Variants in NFIC observed in about 807,000 individuals in gnomAD.
NFIC encodes the protein nuclear factor 1 C-type.
Under a neutral mutation model 54.4 loss-of-function variants are expected in NFIC, and 12 were observed. The observed-to-expected ratio is 0.22, with a 90% CI of 0.14 to 0.36. NFIC has a LOEUF of 0.36. Ranked by LOEUF, NFIC falls within the 10% of genes least tolerant of loss-of-function variation. The pLI, the probability that NFIC is intolerant of heterozygous loss-of-function variation, is 1.00. For missense variants in NFIC, 575 were observed against 718.2 expected (o/e 0.80, Z 2.28); for synonymous variants, 322 against 319.2 (o/e 1.01, Z -0.09).
chr19:3,411,432 A>C (rs1323129017), intron 2 of NFIC, among the ~76,000 whole-genome samples: 1 of 150,066 alleles, frequency 6.7e-6, no homozygotes, highest in African/African-American at 2.4e-5. Flanking sequence ...GGTTCAAGCA[A>C]TTCTCCTTCC....
Position 3,466,658 on chromosome 19 carries a change from CTT to C in NFIC, c.*3901_*3902del, listed in dbSNP as rs112243853. 1.4e-5 allele frequency: 2 copies of C among 146,458 alleles called. No individual in the cohort carries two copies. Among genetic ancestry groups the C allele is most frequent in the African/African-American group, 2.5e-5 (1 of 40,174 alleles). 9.1% of individuals were successfully genotyped at this position (146,458 alleles called of 1,614,324 possible). A position where few individuals can be genotyped will look rare whatever the true frequency, so the allele number is the denominator to read the frequency against. ...CAGCATTCATGTAGCTGATTTCTAGCTTTTTTTTTTTTTCTGCCCCACTCCTG... is the reference window on the plus strand; with the variant it reads ...CAGCATTCATGTAGCTGATTTCTAGCTTTTTTTTTTTCTGCCCCACTCCTG... On this transcript the variant is annotated 3_prime_UTR_variant, in exon 11 of 11. Coordinates refer to ENST00000443272, the MANE Select transcript of NFIC (RefSeq NM_001245002.2). This position sits in a 1 kb window ranked among gnomAD's most constrained non-coding sequence, Gnocchi z 4.8.
At chr19:3,456,986 C>T (rs1355490300) in intron 10 of NFIC, 7 of 369,960 alleles carry the variant, frequency 1.9e-5, no homozygotes, top group South Asian at 4.5e-5. Flanking sequence ...AGGGGGTCTG[C>T]CCAGGGTCAC....
chr19:3,404,503 C>T (rs1437610864), intron 2 of NFIC, among the ~76,000 whole-genome samples: 1 of 152,092 alleles, frequency 6.6e-6, no homozygotes, highest in Non-Finnish European at 1.5e-5. Context: ...ACGTGTTTAA[C>T]CCCTCAGAGG....
At chr19:3,429,231 C>CAAAAAA (rs367681612) in intron 3 of NFIC, among the ~76,000 whole-genome samples, 12 of 36,738 alleles carry the variant, frequency 3.3e-4, no homozygotes, top group Admixed American at 1.3e-3. Flanking sequence ...ATCTCTACCC[C>CAAAAAA]AAAAAAAAAA....
In NFIC at chr19:3,460,477, C is replaced by T. The variant is rs1335737548; in HGVS notation, c.1510-2275C>T. Among the ~76,000 whole-genome samples, 7 of 152,080 alleles carry T rather than the reference C, an allele frequency of 4.6e-5. No individual in the cohort carries two copies. The East Asian group carries it at 1.4e-3, about 29-fold the overall frequency. On this transcript the variant is annotated intron_variant, in intron 10 of 10. Transcript: ENST00000443272. ...CCCTCCTTCACGGGGATACCGGGGACATCATTAAAGAGGAGAATTTTTTTT... is the reference window on the plus strand; with the variant it reads ...CCCTCCTTCACGGGGATACCGGGGATATCATTAAAGAGGAGAATTTTTTTT...
At position 3,447,664 on chromosome 19, in the gene NFIC, A is replaced by G. The variant is rs554412145; in HGVS notation, c.959-1350A>G. On this transcript the variant is annotated intron_variant, in intron 6 of 10. Coordinates refer to ENST00000443272, the MANE Select transcript of NFIC (RefSeq NM_001245002.2). ...CCCAATCCTCACAGCTGCCACTCCC[A>G]CACTGCTCCCGATGGAAATTCCAGA... Among the ~76,000 whole-genome samples the G allele has an allele frequency of 2.0e-5, 3 of 152,320 alleles. No homozygotes were observed. The East Asian group carries it at 5.8e-4, about 29-fold the overall frequency.
At chr19:3,365,756 G>T (rs1013724277), upstream of NFIC, among the ~76,000 whole-genome samples, 8 of 152,160 alleles carry the variant, frequency 5.3e-5, no homozygotes, top group African/African-American at 1.9e-4. Context: ...TGGGGTGCTG[G>T]AGAGACACAC....
At chr19:3,445,532 C>T (rs913957865) in intron 6 of NFIC, among the ~76,000 whole-genome samples, 3 of 152,178 alleles carry the variant, frequency 2.0e-5, no homozygotes, top group African/African-American at 4.8e-5. Flanking sequence ...CGGGTGTTCC[C>T]GGGTCCCTGG....
At chr19:3,420,215 G>A (rs1168874530) in intron 2 of NFIC, among the ~76,000 whole-genome samples, 1 of 151,976 alleles carries the variant, frequency 6.6e-6, no homozygotes, top group Non-Finnish European at 1.5e-5. Context: ...CAGCTACTTG[G>A]GAAGCTCAGA....
chr19:3,385,953 C>T (rs1033516657), intron 2 of NFIC, among the ~76,000 whole-genome samples: 7 of 152,030 alleles, frequency 4.6e-5, no homozygotes, highest in Non-Finnish European at 8.8e-5. Flanking sequence ...GTGATCCTCC[C>T]GCCTTGGCCT....
intron 6 of NFIC, among the ~76,000 whole-genome samples, chr19:3,448,264 G>T (rs2082402751): frequency 6.6e-6 from 1 of 152,146 alleles, no homozygotes; most frequent in African/African-American, 2.4e-5. Flanking sequence ...GTGGAGACAG[G>T]GTTTCACCAT....
chr19:3,388,790 T>C (rs1054705539), intron 2 of NFIC, among the ~76,000 whole-genome samples: 2 of 151,722 alleles, frequency 1.3e-5, no homozygotes, highest in Non-Finnish European at 2.9e-5. Context: ...ATCCCACCAC[T>C]GCACTCCAGC....
rs528956012 is a variant in NFIC, at chr19:3,414,456, G to A, written c.563-10650G>A. ...CTAAAAATACAAAAATTAGCTGGGC[G>A]TGGTGGCACGTGCCTGTAGTCCCAG... On this transcript the variant is annotated intron_variant, in intron 2 of 10. Transcript: ENST00000443272. 3.7e-4 allele frequency among the ~76,000 whole-genome samples: 57 copies of A among 152,100 alleles called. No individual in the cohort carries two copies. In the East Asian group the frequency reaches 6.2e-3, roughly 17 times the overall value.
At chr19:3,447,582 C>A (rs974331037) in intron 6 of NFIC, among the ~76,000 whole-genome samples, 3 of 152,350 alleles carry the variant, frequency 2.0e-5, no homozygotes, top group African/African-American at 7.2e-5. Context: ...TCAGAGAATG[C>A]CCCGATGCCC....
Position 3,366,683 on chromosome 19 carries a change from G to GC in NFIC, c.30+23dup, listed in dbSNP as rs751084817. On this transcript the variant is annotated intron_variant, in intron 1 of 10. Transcript: ENST00000443272. ...CTCACCCAGGTACGGTCCTCGCCCG[G>GC]CCCCCCGCCGGCGCCCCCGCGCCCC... The GC allele has an allele frequency of 3.6e-6, 5 of 1,393,768 alleles. No individual in the cohort carries two copies. In the South Asian group the frequency reaches 5.1e-5, roughly 14 times the overall value. 86.3% of individuals were successfully genotyped at this position (1,393,768 alleles called of 1,614,324 possible).
chr19:3,450,734 C>T (rs1456983902), intron 7 of NFIC, among the ~76,000 whole-genome samples: 1 of 152,192 alleles, frequency 6.6e-6, no homozygotes, highest in Non-Finnish European at 1.5e-5. Context: ...TTGTAGGAAG[C>T]CTCAAATATT....
rs1227397981 is a variant in NFIC at position 3,464,743 on chromosome 19, C to T, written c.*1974C>T. Reference sequence around the variant, plus strand: ...CCTAAAGAGAAAGACCCAGGACCCTCCCCCATCACCCCCAAGAGAGGTTCG... The same window carrying T: ...CCTAAAGAGAAAGACCCAGGACCCTTCCCCATCACCCCCAAGAGAGGTTCG... On this transcript the variant is annotated 3_prime_UTR_variant, in exon 11 of 11. Transcript: ENST00000443272. The T allele has an allele frequency of 1.0e-6, 1 of 983,038 alleles. No homozygotes were observed. Among genetic ancestry groups the T allele is most frequent in the South Asian group, 4.7e-5 (1 of 21,236 alleles). The allele number at this position is 983,038 out of a possible 1,614,324, so 60.9% of individuals were successfully genotyped here.
At chr19:3,379,339 T>C (rs143914875) in intron 1 of NFIC, among the ~76,000 whole-genome samples, 2,491 of 151,748 alleles carry the variant, frequency 0.016, 78 homozygotes, top group African/African-American at 0.058. Context: ...ATTACAGGCA[T>C]GAACCACCGC....
At chr19:3,382,461 TGA>T (rs1320360818) in intron 2 of NFIC, among the ~76,000 whole-genome samples, 1 of 150,466 alleles carries the variant, frequency 6.6e-6, no homozygotes, top group African/African-American at 2.5e-5. Flanking sequence ...TGTGGTGGTC[TGA>T]GAGGGGAGGC....
Sources: allele counts gnomAD v4.1 joint callset (sites outside exome capture counted in the v4.1 genomes callset), GRCh38; gene constraint gnomAD v4.1.1; non-coding constraint Gnocchi (gnomAD v3.1); transcripts MANE v1.5; gene names NCBI Gene and HGNC (gene_info 2026-07-23, HGNC 2026-07-21).